The following TF variants were observed in gnomAD, a reference collection of about 807,000 sequenced individuals.
The protein encoded by TF is transferrin, also known as serotransferrin.
A neutral mutation model predicts 82.4 loss-of-function variants in TF; 55 were observed. The ratio of observed to expected loss-of-function variants is 0.67; its 90% CI spans 0.54 to 0.84. TF has a LOEUF of 0.84. Among genes scored for constraint, TF ranks in the 40% least tolerant of loss-of-function variants. TF has a pLI of 0.00. For synonymous variants in TF, 332 were observed against 332.6 expected, an observed-to-expected ratio of 1.00 and a Z score of 0.02; for missense variants, 737 against 868.4, an observed-to-expected ratio of 0.85 and a Z score of 1.90.
chr3:133,733,526 G>T, the TF span, among the ~76,000 whole-genome samples: 23 of 152,152 alleles, frequency 1.5e-4, no homozygotes, highest in African/African-American at 5.5e-4. Flanking sequence ...GGCCCTTCTA[G>T]CTGTCAGCCT....
At position 133,783,602 on chromosome 3, in the gene TF, G is replaced by C. The variant is rs1185151754; in HGVS notation, c.*4982G>C. 2 of 152,194 alleles carry C rather than the reference G, an allele frequency of 1.3e-5. No homozygotes were observed. The highest frequency in any genetic ancestry group is 4.8e-5 in the African/African-American group (2 of 41,454). The allele number at this position is 152,194 out of a possible 1,614,324, so 9.4% of individuals were successfully genotyped here. A position where few individuals can be genotyped will look rare whatever the true frequency, so the allele number is the denominator to read the frequency against. ...TTAATTTCAGATCATATAAAATTCA[G>C]AAGTCCTGTAAGACAAAAATAGACA... is the stretch of plus-strand genomic sequence containing the variant. On this transcript the variant is annotated 3_prime_UTR_variant, in exon 17 of 17. Coordinates refer to ENST00000402696, the MANE Select transcript of TF (RefSeq NM_001063.4).
At chr3:133,758,011 G>T in intron 8 of TF, 65 bp downstream of exon 8, 1 of 1,529,134 alleles carries the variant, frequency 6.5e-7, no homozygotes, top group South Asian at 1.1e-5. Flanking sequence ...ACAGGGGCCA[G>T]AGATTGAGTC....
chr3:133,740,844 T>C, the TF span, among the ~76,000 whole-genome samples: 1 of 151,918 alleles, frequency 6.6e-6, no homozygotes, highest in Non-Finnish European at 1.5e-5. Flanking sequence ...AAGTTTTAGA[T>C]GTCTTTTGAT....
chr3:133,711,293 G>A, the TF span, among the ~76,000 whole-genome samples: 9,279 of 152,186 alleles, frequency 0.061, 467 homozygotes, highest in African/African-American at 0.13. Flanking sequence ...CTATCTCTGT[G>A]TTGATAATTG....
At chr3:133,721,848 C>T in the TF span, among the ~76,000 whole-genome samples, 4 of 151,956 alleles carry the variant, frequency 2.6e-5, no homozygotes, top group East Asian at 7.7e-4. Context: ...CATATAATGA[C>T]CTTCTTTGTC....
the TF span, among the ~76,000 whole-genome samples, chr3:133,723,356 T>C: frequency 6.6e-6 from 1 of 152,034 alleles, no homozygotes; most frequent in Non-Finnish European, 1.5e-5. Context: ...ATTATTTCAT[T>C]AAATTGGTTT....
At chr3:133,668,443 A>G in the TF span, among the ~76,000 whole-genome samples, 1 of 152,164 alleles carries the variant, frequency 6.6e-6, no homozygotes. Context: ...CCCAATCGAG[A>G]GCCTCCTAGT....
the TF span, among the ~76,000 whole-genome samples, chr3:133,690,972 A>T: frequency 3.9e-5 from 6 of 152,160 alleles, no homozygotes; most frequent in Admixed American, 6.5e-5. Flanking sequence ...ATTTAATTAG[A>T]GTCCTAACTT....
In TF at chr3:133,789,228, C is replaced by T. The variant is rs538821601; in HGVS notation, c.*10608C>T. On this transcript the variant is annotated 3_prime_UTR_variant, in exon 17 of 17. Transcript: ENST00000402696. Reference sequence around the variant, plus strand: ...CTTGCAGTTGCAATACTGTTTGGCCCCAATATGGTTTGGATTCTGGCATTT... The same window carrying T: ...CTTGCAGTTGCAATACTGTTTGGCCTCAATATGGTTTGGATTCTGGCATTT... 2.2e-4 allele frequency: 33 copies of T among 152,450 alleles called. No individual in the cohort carries two copies. Among genetic ancestry groups the T allele is most frequent in the African/African-American group, 7.5e-4 (31 of 41,578 alleles). 9.4% of individuals were successfully genotyped at this position (152,450 alleles called of 1,614,324 possible). A position where few individuals can be genotyped will look rare whatever the true frequency, so the allele number is the denominator to read the frequency against.
In TF at chr3:133,748,603, A is replaced by G. The variant is rs1390225056; in HGVS notation, c.216+19A>G. On this transcript the variant is annotated intron_variant, in intron 2 of 16. Transcript: ENST00000402696. ...CATTGCGGTAAGTCGCTGCTGCCTA[A>G]AAGAGAGTGGAAGAAAGCCATACTT... The G allele has an allele frequency of 3.1e-6, 5 of 1,613,854 alleles. No individual in the cohort carries two copies. Among genetic ancestry groups the G allele is most frequent in the Non-Finnish European group, 4.2e-6 (5 of 1,179,902 alleles).
At chr3:133,705,496 C>G in the TF span, among the ~76,000 whole-genome samples, 1 of 152,152 alleles carries the variant, frequency 6.6e-6, no homozygotes, top group Non-Finnish European at 1.5e-5. Context: ...TCAATGAGCA[C>G]CTCCACTTTC....
chr3:133,755,453 G>T lies in TF; in HGVS notation c.593G>T (p.Cys198Phe), dbSNP rs768066103. The change falls in exon 5 of 17, where the codon TGC (cysteine) becomes TTC (phenylalanine). Residue 198 changes from cysteine (C) to phenylalanine (F), a missense_variant. Transcript: ENST00000402696. ...QLCQLCPGCG[C>F]STLNQYFGYS... ...TGTCAACTGTGTCCAGGGTGTGGCT[G>T]CTCCACCCTTAACCAATACTTCGGC... 2.5e-6 allele frequency: 4 copies of T among 1,614,010 alleles called. No homozygotes were observed. The highest frequency in any genetic ancestry group is 3.4e-6 in the Non-Finnish European group (4 of 1,179,964).
chr3:133,666,250 G>A, the TF span, among the ~76,000 whole-genome samples: 1 of 151,954 alleles, frequency 6.6e-6, no homozygotes, highest in East Asian at 1.9e-4. Context: ...TCGGCTCACT[G>A]CAACCTCCGC....
chr3:133,761,806 A>G (rs1934001986), intron 9 of TF: 1 of 153,050 alleles, frequency 6.5e-6, no homozygotes, highest in South Asian at 2.1e-4. Context: ...AACACGCAGC[A>G]AGTTCATGAA....
At chr3:133,689,220 C>G in the TF span, among the ~76,000 whole-genome samples, 44 of 152,218 alleles carry the variant, frequency 2.9e-4, no homozygotes, top group Middle Eastern at 3.4e-3. Flanking sequence ...GTAGTCCCAG[C>G]TACTTGGGAG....
chr3:133,736,093 T>A, the TF span, among the ~76,000 whole-genome samples: 1 of 152,296 alleles, frequency 6.6e-6, no homozygotes, highest in East Asian at 1.9e-4. Flanking sequence ...CCCATCAGAC[T>A]AACAGCAGAT....
the TF span, among the ~76,000 whole-genome samples, chr3:133,692,084 G>A: frequency 6.6e-6 from 1 of 152,258 alleles, no homozygotes; most frequent in African/African-American, 2.4e-5. Flanking sequence ...CAGCCTGAGA[G>A]GGGAGTGCTA....
Position 133,785,346 on chromosome 3 carries a change from G to C in TF, c.*6726G>C, listed in dbSNP as rs1390372849. On this transcript the variant is annotated 3_prime_UTR_variant, in exon 17 of 17. Coordinates refer to ENST00000402696, the MANE Select transcript of TF (RefSeq NM_001063.4). ...ACCAGCCGCCCCATCCGGGAGGGAG[G>C]TGGGGGGGTCAGCCCCCCGCCCGGC... is the stretch of plus-strand genomic sequence containing the variant. 1 of 117,416 alleles carries C rather than the reference G, an allele frequency of 8.5e-6. No homozygotes were observed. The highest frequency in any genetic ancestry group is 3.4e-5 in the African/African-American group (1 of 29,706). The allele number at this position is 117,416 out of a possible 1,614,324, so 7.3% of individuals were successfully genotyped here. A position where few individuals can be genotyped will look rare whatever the true frequency, so the allele number is the denominator to read the frequency against.
At chr3:133,727,916 C>T in the TF span, among the ~76,000 whole-genome samples, 3 of 151,776 alleles carry the variant, frequency 2.0e-5, no homozygotes, top group Non-Finnish European at 2.9e-5. Flanking sequence ...ACTTATGATG[C>T]TTAGTTTGGC....
Sources: allele counts gnomAD v4.1 joint callset (sites outside exome capture counted in the v4.1 genomes callset), GRCh38; gene constraint gnomAD v4.1.1; transcripts MANE v1.5; gene names NCBI Gene and HGNC (gene_info 2026-07-23, HGNC 2026-07-21).